Variants in EPHB4 observed in about 807,000 individuals in gnomAD.
The protein encoded by EPHB4 is ephrin type-B receptor 4.
EPHB4 carries 50 observed loss-of-function variants against 110.6 expected under a neutral mutation model. The ratio of observed to expected loss-of-function variants is 0.45; its 90% confidence interval spans 0.36 to 0.57. EPHB4 has a LOEUF of 0.57. EPHB4 is among the 20% of genes least tolerant of loss of function. EPHB4 has a pLI of 0.00. For missense variants in EPHB4, 1,128 were observed against 1,382.1 expected (o/e 0.82, Z 2.91); for synonymous variants, 592 against 578.4 (o/e 1.02, Z -0.34).
Position 100,827,186 on chromosome 7 carries a change from C to A in EPHB4, c.-156G>T. 1.5e-6 allele frequency: 1 copy of A among 649,028 alleles called. No homozygotes were observed. The highest frequency in any genetic ancestry group is 2.2e-6 in the Non-Finnish European group (1 of 453,718). 40.2% of individuals were successfully genotyped at this position (649,028 alleles called of 1,614,324 possible). On this transcript the variant is annotated 5_prime_UTR_variant, in exon 1 of 17. Transcript: ENST00000358173. The stretch of plus-strand genomic sequence containing the variant: ...CCATGCGAGCGTGCGGGGCACCGGG[C>A]GGCGGCGCCAAGTGTGGCCCCGCGT...
chr7:100,804,279 GCGTGAGCCA>G (rs372727639), intron 16 of EPHB4, among the ~76,000 whole-genome samples: 217 of 151,462 alleles, frequency 1.4e-3, no homozygotes, highest in African/African-American at 5.1e-3. Context: ...GAGATTACAG[GCGTGAGCCA>G]CCACCTGGCC....
In EPHB4 at chr7:100,805,270, G is replaced by A. The variant is rs768154615; in HGVS notation, c.2730C>T (p.Gly910=). 2.5e-6 allele frequency: 4 copies of A among 1,613,772 alleles called. No homozygotes were observed. The Middle Eastern group carries it at 5.0e-4, about 200-fold the overall frequency. Residue 910 remains glycine, a synonymous_variant, in exon 16 of 17, where the codon GGC becomes GGT. Coordinates refer to ENST00000358173, the MANE Select transcript of EPHB4 (RefSeq NM_004444.5). ...TGGCCCGAAGCCACTCGCCCACAGA[G>A]CCAAAAGCTGAGTAGTGAGGCTGCC... The part of the protein sequence containing the change: ...DQRQPHYSAF[G]SVGEWLRAIK...
At chr7:100,824,029 G>C in intron 2 of EPHB4, 98 bp from the exon 3 acceptor site, 1 of 1,511,398 alleles carries the variant, frequency 6.6e-7, no homozygotes, top group Non-Finnish European at 8.9e-7. Context: ...GAGAAAGGGG[G>C]GCTGCTGGTA....
chr7:100,823,322 T>G (rs314309), intron 3 of EPHB4, among the ~76,000 whole-genome samples: 2 of 151,706 alleles, frequency 1.3e-5, no homozygotes, highest in East Asian at 1.9e-4. Context: ...TGCAAAGTCT[T>G]GAGCTGGAAA....
At chr7:100,820,350 G>T in intron 4 of EPHB4, 54 bp from the exon 5 acceptor site, 1 of 1,560,194 alleles carries the variant, frequency 6.4e-7, no homozygotes, top group Non-Finnish European at 8.7e-7. Flanking sequence ...CCATCTGCAC[G>T]GTGGGCTCGG....
In EPHB4 at chr7:100,819,745, C is replaced by G. The variant is rs1329211881; in HGVS notation, c.1109G>C (p.Cys370Ser). 1 of 1,608,372 alleles carries G rather than the reference C, an allele frequency of 6.2e-7. No individual in the cohort carries two copies. The highest frequency in any genetic ancestry group is 2.2e-5 in the East Asian group (1 of 44,634). The part of the protein sequence containing the change: ...RCRECRPGGS[C>S]APCGGDLTFD... ...AGTCAGGTCTCCCCCGCAGGGCGCA[C>G]AGGAGCCTCCGGGTCGGCACTCCCG... Residue 370 changes from cysteine to serine, a missense_variant, in exon 6 of 17, where the codon TGT becomes TCT. By Grantham distance (112) the Cys-to-Ser change is moderately radical. Transcript: ENST00000358173.
rs1813316394 is a variant in EPHB4, at chr7:100,824,240, T to C, written c.86A>G (p.Asp29Gly). Reference sequence around the variant, plus strand: ...CTGAGGGAATGTCACCCACTTCAGATCAGCAGTTTCCAATTTTGTGTTCAG... The same window carrying C: ...CTGAGGGAATGTCACCCACTTCAGACCAGCAGTTTCCAATTTTGTGTTCAG... ...TLLNTKLETA[D>G]LKWVTFPQVD... The change falls in exon 2 of 17, where the codon GAT becomes GGT. Residue 29 changes from aspartate (D) to glycine (G), a missense_variant. Physicochemically the swap from Asp to Gly is moderately conservative, Grantham distance 94 (BLOSUM62 -1). Transcript: ENST00000358173. 6.2e-7 allele frequency: 1 copy of C among 1,613,924 alleles called. No homozygotes were observed. Among genetic ancestry groups the C allele is most frequent in the Non-Finnish European group, 8.5e-7 (1 of 1,179,984 alleles).
intron 1 of EPHB4, among the ~76,000 whole-genome samples, chr7:100,826,146 C>T (rs192255397): frequency 2.6e-4 from 39 of 152,284 alleles, no homozygotes; most frequent in African/African-American, 7.7e-4. Flanking sequence ...AGGAGAGTTT[C>T]TAGGGCTCTT....
chr7:100,823,028 A>G (rs28373056), intron 3 of EPHB4, among the ~76,000 whole-genome samples: 13,905 of 152,188 alleles, frequency 0.091, 701 homozygotes, highest in African/African-American at 0.13. Context: ...CCTCATGCCT[A>G]TAATCCCAGC....
At chr7:100,814,140 T>G in intron 8 of EPHB4, 119 bp from the exon 9 acceptor site, 2 of 1,098,798 alleles carry the variant, frequency 1.8e-6, no homozygotes, top group Non-Finnish European at 2.6e-6. Flanking sequence ...AGGGGACAGG[T>G]GGAGGGAGAG....
At chr7:100,823,024 G>A (rs1158026929) in intron 3 of EPHB4, among the ~76,000 whole-genome samples, 1 of 152,206 alleles carries the variant, frequency 6.6e-6, no homozygotes, top group Non-Finnish European at 1.5e-5. Flanking sequence ...AGTGCCTCAT[G>A]CCTATAATCC....
chr7:100,824,538 A>G, intron 1 of EPHB4: 1 of 475,676 alleles, frequency 2.1e-6, no homozygotes, highest in South Asian at 2.7e-5. Context: ...AGGGAGGGAG[A>G]TCAAAATGTA....
chr7:100,826,846 C>A, intron 1 of EPHB4, 133 bp downstream of exon 1: 1 of 910,902 alleles, frequency 1.1e-6, no homozygotes, highest in East Asian at 3.4e-5. Flanking sequence ...CCAGCACTAT[C>A]GGTCCGAAGT....
At chr7:100,824,406 C>A in intron 1 of EPHB4, 133 bp from the exon 2 acceptor site, 4 of 901,624 alleles carry the variant, frequency 4.4e-6, no homozygotes, top group South Asian at 4.4e-5. Context: ...AAGAGGGGAG[C>A]AAGCCCTGCC....
rs906328334 is a variant in EPHB4, at chr7:100,802,582, A to T, written c.*879T>A. On this transcript the variant is annotated 3_prime_UTR_variant, in exon 17 of 17. Transcript: ENST00000358173. Reference sequence around the variant, plus strand: ...CCCCCATCACCCCTGGAGCTGGGACACGTCCCATTTTCTTTTATTTATACA... The same window carrying T: ...CCCCCATCACCCCTGGAGCTGGGACTCGTCCCATTTTCTTTTATTTATACA... 1 of 152,156 alleles carries T rather than the reference A, an allele frequency of 6.6e-6. No homozygotes were observed. The highest frequency in any genetic ancestry group is 1.5e-5 in the Non-Finnish European group (1 of 68,026). 9.4% of individuals were successfully genotyped at this position (152,156 alleles called of 1,614,324 possible).
chr7:100,804,881 T>C (rs1444923540), intron 16 of EPHB4, among the ~76,000 whole-genome samples: 1 of 152,132 alleles, frequency 6.6e-6, no homozygotes, highest in Non-Finnish European at 1.5e-5. Flanking sequence ...GGAATGCAGA[T>C]AGATGCACAA....
chr7:100,812,246 G>A (rs1812951916), intron 12 of EPHB4, among the ~76,000 whole-genome samples: 1 of 151,856 alleles, frequency 6.6e-6, no homozygotes, highest in Non-Finnish European at 1.5e-5. Context: ...GTATGGGGCA[G>A]TGGGAAAGGA....
At chr7:100,824,465 C>G (rs1448640369) in intron 1 of EPHB4, 192 bp from the exon 2 acceptor site, 1 of 597,504 alleles carries the variant, frequency 1.7e-6, no homozygotes. Context: ...GCCAACCCCA[C>G]CCCCAACATC....
At chr7:100,807,604 C>A in intron 12 of EPHB4, 24 bp from the exon 13 acceptor site, 1 of 1,605,202 alleles carries the variant, frequency 6.2e-7, no homozygotes, top group Non-Finnish European at 8.5e-7. Flanking sequence ...AGGGTGGGGG[C>A]TTGGTGAGGA....
Sources: allele counts gnomAD v4.1 joint callset (sites outside exome capture counted in the v4.1 genomes callset), GRCh38; gene constraint gnomAD v4.1.1; transcripts MANE v1.5; gene names NCBI Gene and HGNC (gene_info 2026-07-23, HGNC 2026-07-21).